Variants in EEF1G observed in about 807,000 individuals in gnomAD.
The protein encoded by EEF1G is elongation factor 1-gamma.
In EEF1G, 14 loss-of-function variants were observed where a neutral mutation model predicts 58.3. The ratio of observed to expected loss-of-function variants is 0.24; its 90% CI spans 0.16 to 0.38. EEF1G has a LOEUF of 0.38. Ranked by LOEUF, EEF1G falls within the 10% of genes least tolerant of loss-of-function variation. The pLI, the probability that EEF1G is intolerant of heterozygous loss-of-function variation, is 1.00. For missense variants in EEF1G, 322 were observed against 550.1 expected (o/e 0.59, Z 4.15); for synonymous variants, 180 against 206.8 (o/e 0.87, Z 1.11).
intron 7 of EEF1G, among the ~76,000 whole-genome samples, chr11:62,562,338 C>T (rs577220910): frequency 6.6e-6 from 1 of 152,058 alleles, no homozygotes; most frequent in Non-Finnish European, 1.5e-5. Flanking sequence ...ACTCTTAATT[C>T]GTCTCAAAGT....
Position 62,560,048 on chromosome 11 carries a change from CCT to C in EEF1G, c.1155+19_1155+20del. ...ATCCCTGCCCCACCCTAAAGAGACTCCTCTCCTCCACCTTCCTCACCGGAAAG... is the reference window on the plus strand; with the variant it reads ...ATCCCTGCCCCACCCTAAAGAGACTCCTCCTCCACCTTCCTCACCGGAAAG... On this transcript the variant is annotated intron_variant, in intron 9 of 9. Transcript: ENST00000329251. The C allele has an allele frequency of 6.2e-7, 1 of 1,613,912 alleles. No individual in the cohort carries two copies. The highest frequency in any genetic ancestry group is 8.5e-7 in the Non-Finnish European group (1 of 1,179,854).
chr11:62,569,246 T>A (rs1184602511), intron 5 of EEF1G, among the ~76,000 whole-genome samples: 3 of 151,840 alleles, frequency 2.0e-5, no homozygotes, highest in African/African-American at 7.3e-5. Flanking sequence ...CCGAGGCGGG[T>A]GGATCACCTG....
Position 62,559,628 on chromosome 11 carries a change from C to T in EEF1G, c.*51G>A, listed in dbSNP as rs1941473199. The T allele has an allele frequency of 2.5e-6, 4 of 1,602,772 alleles. No individual in the cohort carries two copies. The highest frequency in any genetic ancestry group is 2.7e-5 in the African/African-American group (2 of 74,608). Reference sequence around the variant, plus strand: ...CAATGTTCAGTTTCCTTTAATGACCCCCATCTCCCTGAAGGGCAGGTGCAG... The same window carrying T: ...CAATGTTCAGTTTCCTTTAATGACCTCCATCTCCCTGAAGGGCAGGTGCAG... On this transcript the variant is annotated 3_prime_UTR_variant, in exon 10 of 10. Transcript: ENST00000329251.
At chr11:62,563,828 A>T (rs925408398) in intron 7 of EEF1G, among the ~76,000 whole-genome samples, 1 of 152,204 alleles carries the variant, frequency 6.6e-6, no homozygotes, top group Non-Finnish European at 1.5e-5. Context: ...TCTGTCCTTT[A>T]ACCCTAGGTC....
At chr11:62,572,541 T>C (rs776623733) in intron 2 of EEF1G, 43 bp downstream of exon 2, 1 of 1,609,044 alleles carries the variant, frequency 6.2e-7, no homozygotes, top group Non-Finnish European at 8.5e-7. Flanking sequence ...CGCAGGGCCT[T>C]GGTTTCTCAG....
At chr11:62,565,680 C>T (rs1288092244) in intron 7 of EEF1G, among the ~76,000 whole-genome samples, 1 of 152,172 alleles carries the variant, frequency 6.6e-6, no homozygotes. Context: ...CACTCTTGAC[C>T]TGCACCTGTG....
chr11:62,560,686 C>CT (rs1470453003), intron 7 of EEF1G, among the ~76,000 whole-genome samples: 7 of 152,178 alleles, frequency 4.6e-5, no homozygotes, highest in African/African-American at 1.7e-4. Flanking sequence ...AAGTGGGACT[C>CT]TGAGACCTGC....
At chr11:62,562,313 G>A (rs1448727148) in intron 7 of EEF1G, among the ~76,000 whole-genome samples, 1 of 152,100 alleles carries the variant, frequency 6.6e-6, no homozygotes, top group Non-Finnish European at 1.5e-5. Context: ...TCTCTTGGTT[G>A]CCGGCTAATA....
intron 1 of EEF1G, 182 bp downstream of exon 1, chr11:62,573,649 G>T: frequency 1.2e-6 from 1 of 844,208 alleles, no homozygotes; most frequent in Non-Finnish European, 1.9e-6. Flanking sequence ...TCTGGCCTCC[G>T]AGAGCCCCAG....
intron 7 of EEF1G, among the ~76,000 whole-genome samples, chr11:62,566,430 C>T (rs1460380227): frequency 6.6e-6 from 1 of 152,080 alleles, no homozygotes; most frequent in African/African-American, 2.4e-5. Flanking sequence ...CAGCCGGGCG[C>T]GTGGCGCACC....
intron 7 of EEF1G, among the ~76,000 whole-genome samples, chr11:62,561,179 G>A (rs573396875): frequency 1.5e-3 from 235 of 152,270 alleles, no homozygotes; most frequent in African/African-American, 5.3e-3. Flanking sequence ...GCCAAGGCAG[G>A]TGGATCACCT....
Position 62,573,817 on chromosome 11 carries a change from G to C in EEF1G, c.12+14C>G. 6.2e-7 allele frequency: 1 copy of C among 1,613,680 alleles called. No individual in the cohort carries two copies. The highest frequency in any genetic ancestry group is 8.5e-7 in the Non-Finnish European group (1 of 1,179,802). On this transcript the variant is annotated intron_variant, in intron 1 of 9. Transcript: ENST00000329251. ...GGATAGGATGACCCGAACCACCAGA[G>C]CCAGCAAACTTACCCCAGCCGCCAT...
At chr11:62,571,924 A>G (rs1398141003) in intron 2 of EEF1G, 23 bp from the exon 3 acceptor site, 3 of 1,559,710 alleles carry the variant, frequency 1.9e-6, no homozygotes. Context: ...CAGTGAAAAG[A>G]TAAGGTAAAA....
At chr11:62,560,538 T>C in intron 7 of EEF1G, 84 bp from the exon 8 acceptor site, 2 of 1,436,774 alleles carry the variant, frequency 1.4e-6, no homozygotes, top group South Asian at 2.5e-5. Flanking sequence ...TCACTTAAAA[T>C]TTACTAATAT....
At chr11:62,562,997 C>T (rs1941516086) in intron 7 of EEF1G, among the ~76,000 whole-genome samples, 1 of 151,852 alleles carries the variant, frequency 6.6e-6, no homozygotes, top group Non-Finnish European at 1.5e-5. Context: ...GTAATCCCAG[C>T]TACTCAGAAG....
rs1941478791 is a variant in EEF1G at position 62,560,205 on chromosome 11, A to C, written c.1031-12T>G. On this transcript the variant is annotated splice_polypyrimidine_tract_variant and intron_variant, in intron 8 of 9. Coordinates refer to ENST00000329251, the MANE Select transcript of EEF1G (RefSeq NM_001404.5). ...TCGCTGGAACATTCCTGAAGCGGCA[A>C]GGGAGAACATTCAGCCTTTGGAATC... The C allele has an allele frequency of 1.2e-6, 2 of 1,613,952 alleles. No individual in the cohort carries two copies. Among genetic ancestry groups the C allele is most frequent in the Non-Finnish European group, 1.7e-6 (2 of 1,179,916 alleles).
chr11:62,560,200 C>A lies in EEF1G; in HGVS notation c.1031-7G>T. On this transcript the variant is annotated splice_polypyrimidine_tract_variant and splice_region_variant and intron_variant, in intron 8 of 9. Transcript: ENST00000329251. ...TCCAGTCGCTGGAACATTCCTGAAGCGGCAAGGGAGAACATTCAGCCTTTG... is the reference window on the plus strand; with the variant it reads ...TCCAGTCGCTGGAACATTCCTGAAGAGGCAAGGGAGAACATTCAGCCTTTG... 1 of 1,614,044 alleles carries A rather than the reference C, an allele frequency of 6.2e-7. No individual in the cohort carries two copies. Among genetic ancestry groups the A allele is most frequent in the Non-Finnish European group, 8.5e-7 (1 of 1,179,910 alleles).
At chr11:62,562,261 A>G (rs1290728687) in intron 7 of EEF1G, among the ~76,000 whole-genome samples, 1 of 152,194 alleles carries the variant, frequency 6.6e-6, no homozygotes, top group Non-Finnish European at 1.5e-5. Context: ...AAAGTTAGTC[A>G]AGCCCCTTCC....
chr11:62,567,498 G>A lies in EEF1G; in HGVS notation c.553C>T (p.Pro185Ser). The A allele has an allele frequency of 6.2e-7, 1 of 1,610,752 alleles. No homozygotes were observed. Among genetic ancestry groups the A allele is most frequent in the Non-Finnish European group, 8.5e-7 (1 of 1,178,406 alleles). The stretch of plus-strand genomic sequence containing the variant: ...GTGAGGAACCAGCGGTTGGTATTGG[G>A]AAAGGCCTGGCGGAAAGAAGGCTCT... Reference protein sequence around the residue: ...VLEPSFRQAFPNTNRWFLTCI... With the variant: ...VLEPSFRQAFSNTNRWFLTCI... The change falls in exon 6 of 10, where the codon CCC (proline) becomes TCC (serine). Residue 185 changes from proline (P) to serine (S), a missense_variant. This residue lies in a region of EEF1G where 208 missense variants were observed against 323.7 expected (regional missense o/e 0.64). Transcript: ENST00000329251.
Sources: allele counts gnomAD v4.1 joint callset (sites outside exome capture counted in the v4.1 genomes callset), GRCh38; gene constraint gnomAD v4.1.1; regional missense constraint gnomAD v4.1.1; transcripts MANE v1.5; gene names NCBI Gene and HGNC (gene_info 2026-07-23, HGNC 2026-07-21).